ICE1: variants seen among roughly 807,000 people sequenced by gnomAD.
The protein encoded by ICE1 is little elongation complex subunit 1.
A neutral mutation model predicts 192.7 loss-of-function variants in ICE1; 64 were observed. The ratio of observed to expected loss-of-function variants is 0.33; its 90% CI spans 0.27 to 0.41. ICE1 has a LOEUF of 0.41. Ranked by LOEUF, ICE1 falls within the 10% of genes least tolerant of loss-of-function variation. ICE1 has a pLI of 1.00. For missense variants in ICE1, 2,708 were observed against 2,696.0 expected (o/e 1.00, Z -0.10); for synonymous variants, 1,010 against 984.5 (o/e 1.03, Z -0.49).
At chr5:5,445,640 C>T (rs1485046485) in intron 7 of ICE1, among the ~76,000 whole-genome samples, 2 of 152,042 alleles carry the variant, frequency 1.3e-5, no homozygotes, top group East Asian at 3.9e-4. Context: ...TCTCGAACTC[C>T]TGACCTCAAG....
rs774601711 is a variant in ICE1 at position 5,441,162 on chromosome 5, C to G, written c.248C>G (p.Ser83Cys). The G allele has an allele frequency of 6.4e-7, 1 of 1,565,426 alleles. No individual in the cohort carries two copies. Among genetic ancestry groups the G allele is most frequent in the Non-Finnish European group, 8.7e-7 (1 of 1,153,686 alleles). The change falls in exon 5 of 19, where the codon TCT (serine) becomes TGT (cysteine). Residue 83 changes from serine (S) to cysteine (C), a missense_variant. This residue lies in a region of ICE1 where 2,366 missense variants were observed against 2,276.6 expected (regional missense o/e 1.04). Transcript: ENST00000296564. ...GTGGAAGAGATGCTTCAAAAAATTT[C>G]TCCTCTACAGAAATGTCAGGAAGAA... ...HQVEEMLQKI[S>C]PLQKCQEELG...
Position 5,461,954 on chromosome 5 carries a change from A to G in ICE1, c.2620A>G (p.Lys874Glu), listed in dbSNP as rs137990300. 1.9e-6 allele frequency: 3 copies of G among 1,613,964 alleles called. No individual in the cohort carries two copies. The African/African-American group carries it at 4.0e-5, about 21-fold the overall frequency. ...AAGACCTGAAAAGGTTCAGAGTGCCAAATTGGAACACTTGAGGCCACATAG... is the reference window on the plus strand; with the variant it reads ...AAGACCTGAAAAGGTTCAGAGTGCCGAATTGGAACACTTGAGGCCACATAG... ...QTRPEKVQSAKLEHLRPHRVE... is the reference protein window; with the variant it reads ...QTRPEKVQSAELEHLRPHRVE... The change falls in exon 13 of 19, where the codon AAA becomes GAA. Residue 874 changes from lysine to glutamate, a missense_variant. Transcript: ENST00000296564.
rs1737347993 is a variant in ICE1 at position 5,422,845 on chromosome 5, G to A, written c.-71G>A. On this transcript the variant is annotated 5_prime_UTR_variant, in exon 1 of 19. Transcript: ENST00000296564. ...GCAGGCGGCGGCCCCGGCGGCATCA[G>A]CAGAGACAGGACGGGGCCGACGCCG... The A allele has an allele frequency of 2.6e-6, 3 of 1,146,808 alleles. No individual in the cohort carries two copies. The highest frequency in any genetic ancestry group is 3.3e-6 in the Non-Finnish European group (3 of 908,286). The allele number at this position is 1,146,808 out of a possible 1,614,324, so 71.0% of individuals were successfully genotyped here.
chr5:5,442,101 T>C (rs1738069360), intron 5 of ICE1, among the ~76,000 whole-genome samples: 1 of 152,242 alleles, frequency 6.6e-6, no homozygotes, highest in Non-Finnish European at 1.5e-5. Flanking sequence ...ACAGTTTGTT[T>C]AAAATGCTGT....
chr5:5,461,501 A>G lies in ICE1; in HGVS notation c.2167A>G (p.Ile723Val), dbSNP rs1561088387. ...TTTTAATGATCAGAAGAGCAGTGGG[A>G]TAGAATATACAAAAGTAGTAAAAGG... ...SNFNDQKSSG[I>V]EYTKVVKGLT... The change falls in exon 13 of 19, where the codon ATA becomes GTA. Residue 723 changes from isoleucine (I) to valine (V), a missense_variant. By Grantham distance (29) the Ile-to-Val change is conservative. Coordinates refer to ENST00000296564, the MANE Select transcript of ICE1 (RefSeq NM_015325.3). 2.5e-6 allele frequency: 4 copies of G among 1,613,832 alleles called. No individual in the cohort carries two copies. Among genetic ancestry groups the G allele is most frequent in the African/African-American group, 1.3e-5 (1 of 75,056 alleles).
chr5:5,454,715 T>C (rs1738537285), intron 11 of ICE1, 77 bp downstream of exon 11: 1 of 943,486 alleles, frequency 1.1e-6, no homozygotes, highest in Non-Finnish European at 1.7e-6. Flanking sequence ...AGCCGTTACT[T>C]TTTAATAGCT....
At chr5:5,445,885 C>A (rs1267430861) in intron 7 of ICE1, among the ~76,000 whole-genome samples, 1 of 151,834 alleles carries the variant, frequency 6.6e-6, no homozygotes, top group Non-Finnish European at 1.5e-5. Flanking sequence ...CCACACCTGG[C>A]TAACTTTTTT....
chr5:5,462,680 T>A lies in ICE1; in HGVS notation c.3346T>A (p.Cys1116Ser). The A allele has an allele frequency of 3.1e-6, 5 of 1,613,944 alleles. No homozygotes were observed. Among genetic ancestry groups the A allele is most frequent in the Non-Finnish European group, 4.2e-6 (5 of 1,179,858 alleles). ...DTEVESEAFS[C>S]SEGSEQQDAP... ...TGAGGTAGAGAGTGAGGCATTTAGC[T>A]GCAGTGAGGGGAGCGAACAGCAAGA... Residue 1116 changes from cysteine to serine, a missense_variant, in exon 13 of 19, where the codon TGC becomes AGC. Around this residue, in one of 2 missense-constraint regions of ICE1, gnomAD observed 2,366 missense variants for 2,276.6 expected, o/e 1.04. Transcript: ENST00000296564.
intron 6 of ICE1, among the ~76,000 whole-genome samples, chr5:5,443,928 A>G (rs993504037): frequency 6.6e-6 from 1 of 152,192 alleles, no homozygotes; most frequent in Non-Finnish European, 1.5e-5. Context: ...AACGCTATGC[A>G]TGCTCCTGAA....
intron 1 of ICE1, among the ~76,000 whole-genome samples, chr5:5,426,573 C>A (rs1453223299): frequency 1.3e-5 from 2 of 151,998 alleles, no homozygotes; most frequent in African/African-American, 4.8e-5. Flanking sequence ...TACATGCTAT[C>A]ATTAGAGTCA....
At chr5:5,439,153 T>C (rs564326346) in intron 3 of ICE1, among the ~76,000 whole-genome samples, 111 of 152,302 alleles carry the variant, frequency 7.3e-4, no homozygotes, top group Non-Finnish European at 1.2e-3. Context: ...GCAAGAAATG[T>C]ATTTTATTTC....
intron 10 of ICE1, among the ~76,000 whole-genome samples, chr5:5,452,210 C>A (rs1579555220): frequency 1.5e-5 from 2 of 129,622 alleles, no homozygotes; most frequent in Non-Finnish European, 1.6e-5. Flanking sequence ...ACCAGTGCAA[C>A]AGAATAAATG....
chr5:5,449,758 C>G (rs1014444884), intron 10 of ICE1, among the ~76,000 whole-genome samples: 6 of 152,164 alleles, frequency 3.9e-5, no homozygotes, highest in African/African-American at 1.2e-4. Flanking sequence ...GGCCTTTGCT[C>G]ATAAACTGTG....
chr5:5,426,826 A>T (rs942881358), intron 1 of ICE1, among the ~76,000 whole-genome samples: 2 of 152,240 alleles, frequency 1.3e-5, no homozygotes, highest in African/African-American at 2.4e-5. Flanking sequence ...TAACTACGTG[A>T]AGTTCCATAT....
intron 14 of ICE1, among the ~76,000 whole-genome samples, chr5:5,467,056 G>A (rs185100132): frequency 1.4e-4 from 21 of 152,104 alleles, no homozygotes; most frequent in East Asian, 5.8e-4. Context: ...ACCTAGTATC[G>A]TATCAGTCTT....
At chr5:5,444,639 A>G (rs1010426211) in intron 7 of ICE1, among the ~76,000 whole-genome samples, 5 of 152,238 alleles carry the variant, frequency 3.3e-5, no homozygotes, top group African/African-American at 9.6e-5. Flanking sequence ...TGAATCTCAT[A>G]GGGCTTTTTC....
At chr5:5,440,754 G>A (rs1370172752) in intron 4 of ICE1, among the ~76,000 whole-genome samples, 1 of 151,848 alleles carries the variant, frequency 6.6e-6, no homozygotes, top group Non-Finnish European at 1.5e-5. Context: ...AGGTGTGGTG[G>A]CACATACCTG....
At chr5:5,453,072 C>T (rs911954980) in intron 10 of ICE1, among the ~76,000 whole-genome samples, 1 of 151,988 alleles carries the variant, frequency 6.6e-6, no homozygotes, top group Non-Finnish European at 1.5e-5. Flanking sequence ...TGGATGATAG[C>T]CTCCATAAGA....
At chr5:5,458,500 G>C (rs1738651606) in intron 12 of ICE1, among the ~76,000 whole-genome samples, 1 of 152,208 alleles carries the variant, frequency 6.6e-6, no homozygotes, top group African/African-American at 2.4e-5. Context: ...GCTCAGTCCT[G>C]AATGGAGGCC....
Sources: gnomAD v4.1 joint callset for allele counts (sites outside exome capture counted in the v4.1 genomes callset) on GRCh38, gnomAD v4.1.1 for gene constraint, gnomAD v4.1.1 regional missense constraint, MANE v1.5 for transcripts, NCBI Gene and HGNC (gene_info 2026-07-23, HGNC 2026-07-21) for gene names.